DLGAP1: variants seen among roughly 807,000 people sequenced by gnomAD.
DLGAP1 encodes the protein DLG associated protein 1.
DLGAP1 carries 11 observed loss-of-function variants against 90.8 expected under a neutral mutation model. That is an observed-to-expected ratio of 0.12 (90% CI 0.08 to 0.20). The LOEUF (loss-of-function observed/expected upper bound fraction) is 0.20. DLGAP1 is among the 10% of genes least tolerant of loss of function. DLGAP1 has a pLI of 1.00. For missense variants in DLGAP1, 1,050 were observed against 1,333.8 expected (o/e 0.79, Z 3.31); for synonymous variants, 558 against 540.7 (o/e 1.03, Z -0.44).
chr18:3,525,281 T>C (rs769367076), intron 10 of DLGAP1, among the ~76,000 whole-genome samples: 2 of 152,192 alleles, frequency 1.3e-5, no homozygotes, highest in African/African-American at 2.4e-5. Flanking sequence ...ATCATATAGA[T>C]AAAGACAGTT....
At chr18:3,578,645 G>A (rs2055301659) in intron 8 of DLGAP1, among the ~76,000 whole-genome samples, 1 of 132,136 alleles carries the variant, frequency 7.6e-6, no homozygotes, top group Admixed American at 7.6e-5. Flanking sequence ...CTGAGCCACC[G>A]CACCCGGCCA....
intron 4 of DLGAP1, among the ~76,000 whole-genome samples, chr18:3,856,105 G>A (rs886597703): frequency 6.6e-6 from 1 of 152,130 alleles, no homozygotes; most frequent in Admixed American, 6.6e-5. Context: ...TTAGTGTTTT[G>A]CATGACTGTT....
chr18:4,338,109 G>GTCTCAGTT (rs2081113614), intron 1 of DLGAP1, among the ~76,000 whole-genome samples: 2 of 152,070 alleles, frequency 1.3e-5, no homozygotes, highest in African/African-American at 4.8e-5. Context: ...ATTCCAATCA[G>GTCTCAGTT]TCTCAGTTTG....
chr18:4,109,811 C>T (rs1232229554), intron 2 of DLGAP1, among the ~76,000 whole-genome samples: 2 of 151,936 alleles, frequency 1.3e-5, no homozygotes, highest in East Asian at 1.9e-4. Context: ...TTCTTCTTTA[C>T]GTCTTTCTTG....
chr18:4,291,551 T>C (rs569006561), intron 1 of DLGAP1, among the ~76,000 whole-genome samples: 2 of 152,162 alleles, frequency 1.3e-5, no homozygotes, highest in Non-Finnish European at 2.9e-5. Context: ...ATTTTATACA[T>C]ACATACATAC....
intron 3 of DLGAP1, among the ~76,000 whole-genome samples, chr18:3,991,693 T>A: frequency 6.6e-6 from 1 of 152,238 alleles, no homozygotes; most frequent in East Asian, 1.9e-4. Context: ...AATGCATGTT[T>A]CAGACATTCC....
rs960815360 is a variant in DLGAP1, at chr18:3,915,707, A to C, written c.-72-35567T>G. ...TGGCATAGAACAAGCTATTTCTGAA[A>C]TATCAGTTACATTTGGATGCAAAAT... On this transcript the variant is annotated intron_variant, in intron 3 of 12. Coordinates refer to ENST00000315677, the MANE Select transcript of DLGAP1 (RefSeq NM_004746.4). Among the ~76,000 whole-genome samples, 13 of 152,322 alleles carry C rather than the reference A, an allele frequency of 8.5e-5. 1 individual carries two copies. In the South Asian group the frequency reaches 1.0e-3, roughly 12 times the overall value.
At chr18:4,141,558 C>T (rs1306784057) in intron 2 of DLGAP1, among the ~76,000 whole-genome samples, 1 of 151,940 alleles carries the variant, frequency 6.6e-6, no homozygotes, top group Non-Finnish European at 1.5e-5. Context: ...ACAGTTTTGA[C>T]CTTCTGGACT....
chr18:3,760,077 C>G (rs188673538), intron 5 of DLGAP1, among the ~76,000 whole-genome samples: 95 of 152,338 alleles, frequency 6.2e-4, no homozygotes, highest in African/African-American at 2.3e-3. Flanking sequence ...GCAGTGACCA[C>G]AGCTGGCATC....
chr18:3,754,015 T>A (rs1025439186), intron 5 of DLGAP1, among the ~76,000 whole-genome samples: 19 of 152,316 alleles, frequency 1.2e-4, no homozygotes, highest in African/African-American at 4.6e-4. Context: ...TTTATTTATT[T>A]TTGAGACAGG....
intron 5 of DLGAP1, among the ~76,000 whole-genome samples, chr18:3,752,373 C>A (rs1464649173): frequency 1.3e-5 from 2 of 152,104 alleles, no homozygotes; most frequent in Admixed American, 6.6e-5. Flanking sequence ...TCTTCCCTAG[C>A]CCAAATCCCA....
At chr18:4,385,999 G>A (rs1018814715) in intron 1 of DLGAP1, among the ~76,000 whole-genome samples, 8 of 152,150 alleles carry the variant, frequency 5.3e-5, no homozygotes, top group Admixed American at 3.9e-4. Flanking sequence ...GGGACTTTAA[G>A]AAGCTGCCTC....
At chr18:4,364,845 GGT>G (rs139190863) in intron 1 of DLGAP1, among the ~76,000 whole-genome samples, 5,232 of 152,112 alleles carry the variant, frequency 0.034, 146 homozygotes, top group African/African-American at 0.076. Context: ...CAGTGATTCT[GGT>G]ATGTTGTATC....
chr18:4,091,941 A>G (rs931753585), intron 2 of DLGAP1, among the ~76,000 whole-genome samples: 17 of 152,138 alleles, frequency 1.1e-4, no homozygotes, highest in East Asian at 5.8e-4. Flanking sequence ...TTTTTAATGA[A>G]TCACAAATAT....
chr18:4,154,586 G>C (rs2076725557), intron 1 of DLGAP1, among the ~76,000 whole-genome samples: 1 of 152,062 alleles, frequency 6.6e-6, no homozygotes, highest in East Asian at 1.9e-4. Flanking sequence ...GCATTTTATG[G>C]AACACCTATA....
intron 9 of DLGAP1, among the ~76,000 whole-genome samples, chr18:3,560,312 G>A (rs991630014): frequency 2.6e-5 from 4 of 151,624 alleles, no homozygotes; most frequent in South Asian, 2.1e-4. Flanking sequence ...CCAGCTACTC[G>A]GTAGGCTGAG....
intron 5 of DLGAP1, among the ~76,000 whole-genome samples, chr18:3,779,760 C>T (rs1002137599): frequency 8.8e-6 from 1 of 113,642 alleles, no homozygotes; most frequent in African/African-American, 4.1e-5. Flanking sequence ...GTGGTCAGTG[C>T]ACCCTTTTTT....
chr18:4,349,633 C>G (rs1412644860), intron 1 of DLGAP1, among the ~76,000 whole-genome samples: 3 of 151,946 alleles, frequency 2.0e-5, no homozygotes, highest in Non-Finnish European at 4.4e-5. Flanking sequence ...AATTATACAA[C>G]ATGGATCAGC....
At chr18:4,255,509 AAAT>A (rs1568474272) in intron 1 of DLGAP1, among the ~76,000 whole-genome samples, 39 of 147,270 alleles carry the variant, frequency 2.6e-4, no homozygotes, top group African/African-American at 9.8e-4. Flanking sequence ...ATGAAAAAAA[AAAT>A]ATATATATAT....
Sources: gnomAD v4.1 joint callset for allele counts (sites outside exome capture counted in the v4.1 genomes callset) on GRCh38, gnomAD v4.1.1 for gene constraint, MANE v1.5 for transcripts, NCBI Gene and HGNC (gene_info 2026-07-23, HGNC 2026-07-21) for gene names.